Variants in SBF2 observed in about 807,000 individuals in gnomAD.
The protein encoded by SBF2 is SET binding factor 2, also known as myotubularin-related protein 13.
Under a neutral mutation model 225.2 loss-of-function variants are expected in SBF2, and 112 were observed. The observed-to-expected ratio is 0.50, with a 90% CI of 0.43 to 0.58. The LOEUF is 0.58. Ranked by LOEUF, SBF2 falls within the 20% of genes least tolerant of loss-of-function variation. The probability of loss-of-function intolerance (pLI) is 0.00; values close to 1 mark genes in which losing one functional copy is unlikely to be tolerated. For synonymous variants in SBF2, 763 were observed against 773.3 expected, an observed-to-expected ratio of 0.99 and a Z score of 0.22; for missense variants, 1,996 against 2,206.2, an observed-to-expected ratio of 0.90 and a Z score of 1.91.
At chr11:9,931,491 C>G (rs764151041) in intron 16 of SBF2, among the ~76,000 whole-genome samples, 2 of 152,178 alleles carry the variant, frequency 1.3e-5, no homozygotes, top group Non-Finnish European at 2.9e-5. Context: ...CAAACAGGGT[C>G]TGGAGTGGAC....
intron 2 of SBF2, among the ~76,000 whole-genome samples, chr11:10,187,598 C>CTT (rs200847815): frequency 1.4e-5 from 2 of 145,198 alleles, no homozygotes; most frequent in Admixed American, 6.9e-5. Context: ...AATAAACTCA[C>CTT]TTTTTTTTTT....
intron 2 of SBF2, among the ~76,000 whole-genome samples, chr11:10,151,568 G>GA (rs1759055496): frequency 6.6e-6 from 1 of 152,046 alleles, no homozygotes; most frequent in Admixed American, 6.6e-5. Flanking sequence ...TAGGAAATCA[G>GA]AAAAAATGAT....
intron 2 of SBF2, among the ~76,000 whole-genome samples, chr11:10,153,002 C>A (rs554209254): frequency 6.6e-6 from 1 of 152,126 alleles, no homozygotes; most frequent in Non-Finnish European, 1.5e-5. Flanking sequence ...CAGTACTATA[C>A]GAGGCTTTCA....
At chr11:10,002,207 G>A (rs1254769725) in intron 7 of SBF2, among the ~76,000 whole-genome samples, 1 of 152,050 alleles carries the variant, frequency 6.6e-6, no homozygotes, top group African/African-American at 2.4e-5. Context: ...GGGTATCTAA[G>A]AGAGATAAGA....
intron 17 of SBF2, among the ~76,000 whole-genome samples, chr11:9,875,664 T>C (rs976931144): frequency 1.3e-5 from 2 of 152,194 alleles, no homozygotes; most frequent in Admixed American, 6.5e-5. Context: ...GGGTCAGCCA[T>C]ATATCTTCTC....
intron 16 of SBF2, among the ~76,000 whole-genome samples, chr11:9,909,417 A>T (rs1385604521): frequency 6.6e-6 from 1 of 152,032 alleles, no homozygotes; most frequent in Non-Finnish European, 1.5e-5. Context: ...TACGCCTGTA[A>T]TCCCAGCACT....
chr11:9,939,653 TG>T (rs1442737610), intron 16 of SBF2, among the ~76,000 whole-genome samples: 1 of 152,144 alleles, frequency 6.6e-6, no homozygotes, highest in Non-Finnish European at 1.5e-5. Context: ...AATCTGTTGT[TG>T]GTAAGGATAT....
At chr11:10,221,447 T>C (rs1359973919) in intron 1 of SBF2, among the ~76,000 whole-genome samples, 1 of 152,180 alleles carries the variant, frequency 6.6e-6, no homozygotes, top group Non-Finnish European at 1.5e-5. Flanking sequence ...AGCTGTGGCT[T>C]TTCTCACAAG....
rs184849947 is a variant in SBF2, at chr11:9,963,860, C to T, written c.1623G>A (p.Thr541=). 99 of 1,603,154 alleles carry T rather than the reference C, an allele frequency of 6.2e-5. No homozygotes were observed. The African/African-American group carries it at 9.6e-4, about 16-fold the overall frequency. ...GTCTTTGTGCACTGTTGAAAACTGTCGTCACCTTGTCCATTATCGAAACTA... is the reference window on the plus strand; with the variant it reads ...GTCTTTGTGCACTGTTGAAAACTGTTGTCACCTTGTCCATTATCGAAACTA... ...PPVVSIMDKV[T]TVFNSAQRLE... is the part of the protein sequence containing the mutation. Residue 541 remains threonine, a synonymous_variant, in exon 15 of 40, where the codon ACG becomes ACA. Transcript: ENST00000256190.
intron 1 of SBF2, among the ~76,000 whole-genome samples, chr11:10,291,186 T>C (rs944990371): frequency 1.3e-5 from 2 of 152,234 alleles, no homozygotes; most frequent in Admixed American, 1.3e-4. Context: ...GTTAAAATCC[T>C]AACACCCAAA....
At chr11:9,889,290 G>A (rs1031630063) in intron 17 of SBF2, among the ~76,000 whole-genome samples, 3 of 152,162 alleles carry the variant, frequency 2.0e-5, no homozygotes, top group African/African-American at 4.8e-5. Context: ...AAATGACACA[G>A]ATTACTTTTT....
rs757577170 is a variant in SBF2 at position 9,832,358 on chromosome 11, C to A, written c.3518G>T (p.Arg1173Leu). 1 of 1,613,832 alleles carries A rather than the reference C, an allele frequency of 6.2e-7. No homozygotes were observed. Among genetic ancestry groups the A allele is most frequent in the Non-Finnish European group, 8.5e-7 (1 of 1,179,996 alleles). Residue 1173 changes from arginine (R) to leucine (L), a missense_variant, in exon 27 of 40, where the codon CGC becomes CTC. Transcript: ENST00000256190. ...AGGCAGGCGATTGTGTCGATAGCAGCGAGCTACTCTTGGTAAACTACTGTC... is the reference window on the plus strand; with the variant it reads ...AGGCAGGCGATTGTGTCGATAGCAGAGAGCTACTCTTGGTAAACTACTGTC... ...VQDSSLPRVA[R>L]CYRHNRLPVV...
chr11:9,850,616 T>C (rs906833674), intron 21 of SBF2, among the ~76,000 whole-genome samples: 6 of 152,164 alleles, frequency 3.9e-5, no homozygotes, highest in Admixed American at 3.9e-4. Flanking sequence ...TCTTTTCAGT[T>C]ACAGACCTAA....
intron 2 of SBF2, among the ~76,000 whole-genome samples, chr11:10,103,287 C>A (rs541804570): frequency 6.6e-6 from 1 of 152,188 alleles, no homozygotes; most frequent in Admixed American, 6.5e-5. Flanking sequence ...CCTAATTAAT[C>A]TTTTAGATAT....
intron 2 of SBF2, among the ~76,000 whole-genome samples, chr11:10,188,817 C>T (rs1018772040): frequency 2.6e-5 from 4 of 152,176 alleles, no homozygotes; most frequent in Admixed American, 1.3e-4. Context: ...TGAGCTCAAA[C>T]CACCATTTTC....
chr11:10,149,239 C>T (rs1955045307), intron 2 of SBF2: 1 of 152,284 alleles, frequency 6.6e-6, no homozygotes, highest in African/African-American at 2.4e-5. Flanking sequence ...AGCCACACAT[C>T]TTAATCTGAC....
intron 2 of SBF2, among the ~76,000 whole-genome samples, chr11:10,053,153 A>C (rs1040854022): frequency 1.3e-5 from 2 of 152,110 alleles, no homozygotes; most frequent in African/African-American, 2.4e-5. Context: ...TAATAACTGA[A>C]TATTATACCA....
At chr11:9,935,064 C>T (rs878954333) in intron 16 of SBF2, among the ~76,000 whole-genome samples, 2 of 152,184 alleles carry the variant, frequency 1.3e-5, no homozygotes, top group Admixed American at 1.3e-4. Context: ...ACCCCATCGT[C>T]TCAGCCCAAA....
intron 24 of SBF2, among the ~76,000 whole-genome samples, 164 bp downstream of exon 24, chr11:9,845,401 A>G (rs550759193): frequency 3.9e-5 from 6 of 152,306 alleles, no homozygotes; most frequent in Admixed American, 3.9e-4. Flanking sequence ...ACATTTATCA[A>G]TGCTGCTGTT....
Sources: gnomAD v4.1 joint callset for allele counts (sites outside exome capture counted in the v4.1 genomes callset) on GRCh38, gnomAD v4.1.1 for gene constraint, MANE v1.5 for transcripts, NCBI Gene and HGNC (gene_info 2026-07-23, HGNC 2026-07-21) for gene names.